CCDC197: variants seen among roughly 807,000 people sequenced by gnomAD.
CCDC197 encodes coiled-coil domain containing 197.
In CCDC197, 24 loss-of-function variants were observed where a neutral mutation model predicts 13.4. That is an observed-to-expected ratio of 1.80 (90% CI 1.30 to 2.53). The LOEUF is 2.53. Ranked by LOEUF, CCDC197 falls within the 30% of genes most tolerant of loss-of-function variation. CCDC197 has a pLI of 0.00. For missense variants in CCDC197, 255 were observed against 148.8 expected (o/e 1.71, Z -3.71); for synonymous variants, 99 against 55.5 (o/e 1.78, Z -3.48).
chr14:94,005,031 G>A (rs946828136), intron 6 of CCDC197, 60 bp downstream of exon 6: 12 of 683,884 alleles, frequency 1.8e-5, no homozygotes, highest in Non-Finnish European at 3.2e-5. Context: ...TCCAACTTGA[G>A]CTAGTCCTGC....
upstream of CCDC197, among the ~76,000 whole-genome samples, chr14:93,995,718 C>A (rs891827256): frequency 6.6e-6 from 1 of 152,182 alleles, no homozygotes; most frequent in South Asian, 2.1e-4. Context: ...TCTGGGGGCG[C>A]CTCCCTGAGT....
chr14:94,001,046 C>T (rs1890481501), intron 3 of CCDC197, 99 bp from the exon 4 acceptor site: 1 of 641,388 alleles, frequency 1.6e-6, no homozygotes, highest in Non-Finnish European at 2.9e-6. Flanking sequence ...TGTCTGGCAC[C>T]TCTCAATTTT....
intron 6 of CCDC197, among the ~76,000 whole-genome samples, chr14:94,006,313 G>A (rs1444005079): frequency 1.1e-4 from 17 of 151,486 alleles, no homozygotes; most frequent in Admixed American, 1.1e-3. Flanking sequence ...TTGGAGAAAT[G>A]TCTATTCAAA....
chr14:93,998,481 C>G (rs1035792280), intron 2 of CCDC197, among the ~76,000 whole-genome samples: 1 of 152,194 alleles, frequency 6.6e-6, no homozygotes, highest in African/African-American at 2.4e-5. Flanking sequence ...GCAGGCTGAG[C>G]CTCTACATCA....
At chr14:93,996,015 C>G (rs993868677), upstream of CCDC197, among the ~76,000 whole-genome samples, 5 of 152,230 alleles carry the variant, frequency 3.3e-5, no homozygotes. Context: ...TTTGTCCCTG[C>G]CATTCCTTCT....
At position 93,990,070 on chromosome 14, in the gene CCDC197, T is replaced by C. The variant is rs1040849694; in HGVS notation, c.-107+2674T>C. Among the ~76,000 whole-genome samples the C allele has an allele frequency of 2.0e-5, 3 of 152,346 alleles. 1 individual carries two copies. The highest frequency in any genetic ancestry group is 2.0e-4 in the Admixed American group (3 of 15,308). Reference sequence around the variant, plus strand: ...ACCCATTCAATCTCTTACTTCCTCTTCTACCAGCCACAGAGAAAATGCTCT... The same window carrying C: ...ACCCATTCAATCTCTTACTTCCTCTCCTACCAGCCACAGAGAAAATGCTCT... On this transcript the variant is annotated intron_variant, in intron 1 of 7. Transcript: ENST00000640978.
At chr14:93,988,213 A>T (rs1474102970) in intron 1 of CCDC197, among the ~76,000 whole-genome samples, 1 of 76,750 alleles carries the variant, frequency 1.3e-5, no homozygotes, top group Non-Finnish European at 2.5e-5. Context: ...GGTATGGGAG[A>T]GGGGATGAGA....
At chr14:94,008,976 C>G, downstream of CCDC197, 2 of 557,474 alleles carry the variant, frequency 3.6e-6, no homozygotes, top group East Asian at 5.6e-5. Flanking sequence ...TGCTCCCCAT[C>G]CTGGGGGATT....
intron 6 of CCDC197, among the ~76,000 whole-genome samples, chr14:94,005,299 C>T (rs1317745840): frequency 6.6e-6 from 1 of 152,216 alleles, no homozygotes; most frequent in Non-Finnish European, 1.5e-5. Flanking sequence ...GTGCTTTCTG[C>T]ACACCCACAC....
At chr14:93,999,528 G>A in intron 2 of CCDC197, 55 bp from the exon 3 acceptor site, 1 of 776,886 alleles carries the variant, frequency 1.3e-6, no homozygotes, top group Non-Finnish European at 2.4e-6. Context: ...CATTCACAGG[G>A]GGTCCTGCGT....
intron 1 of CCDC197, among the ~76,000 whole-genome samples, chr14:93,988,820 AGGGATGGGAGAGGGCATGGGAGGAG>A (rs1890158438): frequency 1.6e-5 from 1 of 62,258 alleles, no homozygotes. Context: ...GATGGGAGGA[AGGGATGGGAGAGGGCATGGGAGGAG>A]GGGATGGGAG....
chr14:93,991,700 G>A (rs146856149), intron 1 of CCDC197, among the ~76,000 whole-genome samples: 47 of 152,298 alleles, frequency 3.1e-4, no homozygotes, highest in African/African-American at 1.0e-3. Context: ...AGGTCATCAA[G>A]GGTAAGCTGC....
chr14:93,995,513 C>T (rs1890266224), upstream of CCDC197, among the ~76,000 whole-genome samples: 3 of 152,164 alleles, frequency 2.0e-5, no homozygotes, highest in Admixed American at 1.3e-4. Context: ...GGTTCTGTTG[C>T]TCAGCTGTCC....
rs1263471335 is a variant in CCDC197 at position 93,997,467 on chromosome 14, G to C, written c.-238G>C. The stretch of plus-strand genomic sequence containing the variant: ...TACTGGCCTTGGGTGAGTGGCTCAG[G>C]AACAGTTTGCAAGACCGTGTTGAAG... On this transcript the variant is annotated 5_prime_UTR_variant, in exon 1 of 7. Coordinates refer to ENST00000636493, the MANE Select transcript of CCDC197 (RefSeq NM_001351596.2). The C allele has an allele frequency of 6.6e-6, 1 of 152,474 alleles. No individual in the cohort carries two copies. Among genetic ancestry groups the C allele is most frequent in the African/African-American group, 2.4e-5 (1 of 41,432 alleles). The allele number at this position is 152,474 out of a possible 1,614,324, so 9.4% of individuals were successfully genotyped here. A position where few individuals can be genotyped will look rare whatever the true frequency, so the allele number is the denominator to read the frequency against.
upstream of CCDC197, among the ~76,000 whole-genome samples, chr14:93,996,633 C>T (rs764327564): frequency 5.9e-5 from 9 of 152,346 alleles, no homozygotes; most frequent in Non-Finnish European, 1.2e-4. Context: ...ACGTTCCTCC[C>T]AGTGGAGCCC....
chr14:94,006,495 A>G (rs529930802), intron 6 of CCDC197, among the ~76,000 whole-genome samples: 3 of 152,084 alleles, frequency 2.0e-5, no homozygotes, highest in African/African-American at 7.2e-5. Context: ...AGCTGGGACT[A>G]CAAGGCATGC....
rs139512987 is a variant in CCDC197 at position 94,001,249 on chromosome 14, G to T, written c.292G>T (p.Ala98Ser). 63 of 780,866 alleles carry T rather than the reference G, an allele frequency of 8.1e-5. No homozygotes were observed. In the East Asian group the frequency reaches 1.4e-3, roughly 18 times the overall value. 48.4% of individuals were successfully genotyped at this position (780,866 alleles called of 1,614,324 possible). The change falls in exon 4 of 7, where the codon GCC (alanine) becomes TCC (serine). Residue 98 changes from alanine to serine, a missense_variant. Physicochemically the swap from Ala to Ser is moderately conservative, Grantham distance 99 (BLOSUM62 1). Coordinates refer to ENST00000636493, the MANE Select transcript of CCDC197 (RefSeq NM_001351596.2). Reference protein sequence around the residue: ...ASQDTQKRLEAFCQMIQAVHR... With the variant: ...ASQDTQKRLESFCQMIQAVHR... The stretch of plus-strand genomic sequence containing the variant: ...CCAGGACACGCAGAAGCGCCTCGAG[G>T]CCTTCTGCCAGATGATCCAGGCTGT...
chr14:94,007,125 G>T (rs929885967), intron 6 of CCDC197: 1 of 152,298 alleles, frequency 6.6e-6, no homozygotes, highest in South Asian at 2.1e-4. Context: ...GCATCCGGCC[G>T]AGAATCCAAC....
intron 3 of CCDC197, 95 bp from the exon 4 acceptor site, chr14:94,001,050 C>T: frequency 1.6e-6 from 1 of 643,438 alleles, no homozygotes; most frequent in Non-Finnish European, 2.9e-6. Context: ...TGGCACCTCT[C>T]AATTTTGTGG....
Sources: gnomAD v4.1 joint callset for allele counts (sites outside exome capture counted in the v4.1 genomes callset) on GRCh38, gnomAD v4.1.1 for gene constraint, MANE v1.5 for transcripts, NCBI Gene and HGNC (gene_info 2026-07-23, HGNC 2026-07-21) for gene names.